TLCD3A: variants seen among roughly 807,000 people sequenced by gnomAD.
TLCD3A encodes TLC domain-containing protein 3A.
In TLCD3A, 17 loss-of-function variants were observed where a neutral mutation model predicts 29.9. The observed-to-expected ratio is 0.57, with a 90% confidence interval of 0.39 to 0.85. TLCD3A has a LOEUF of 0.85. Ranked by LOEUF, TLCD3A falls within the 40% of genes least tolerant of loss-of-function variation. The probability of loss-of-function intolerance (pLI) is 0.00; values close to 1 mark genes in which losing one functional copy is unlikely to be tolerated. For missense variants in TLCD3A, 332 were observed against 350.8 expected (o/e 0.95, Z 0.43); for synonymous variants, 143 against 147.7 (o/e 0.97, Z 0.23).
chr17:738,094 G>A (rs879108024), intron 3 of TLCD3A, 47 bp downstream of exon 3: 2 of 429,036 alleles, frequency 4.7e-6, no homozygotes, highest in Admixed American at 6.6e-5. Context: ...TGAGCTGGGT[G>A]TCTTTTTTTT....
At position 739,474 on chromosome 17, in the gene TLCD3A, C is replaced by T. The variant is rs574928221; in HGVS notation, c.409-1031C>T. Among the ~76,000 whole-genome samples, 10 of 152,340 alleles carry T rather than the reference C, an allele frequency of 6.6e-5. No homozygotes were observed. In the South Asian group the frequency reaches 1.7e-3, roughly 25 times the overall value. On this transcript the variant is annotated intron_variant, in intron 3 of 4. Coordinates refer to ENST00000308278, the MANE Select transcript of TLCD3A (RefSeq NM_024792.3). ...AAAGTGCTGGGATTACAGGCGTGAG[C>T]CACTGCTCTTGGCCGGCATGTAGTT...
intron 2 of TLCD3A, among the ~76,000 whole-genome samples, chr17:735,867 C>T (rs1974146216): frequency 6.6e-6 from 1 of 150,688 alleles, no homozygotes; most frequent in South Asian, 2.1e-4. Context: ...CCCAGCTACT[C>T]GGGAGGCTGC....
rs1974265947 is a variant in TLCD3A, at chr17:742,064, T to C, written c.*494T>C. 1.8e-5 allele frequency: 3 copies of C among 170,978 alleles called. No individual in the cohort carries two copies. Among genetic ancestry groups the C allele is most frequent in the South Asian group, 1.4e-4 (1 of 7,294 alleles). The allele number at this position is 170,978 out of a possible 1,614,324, so 10.6% of individuals were successfully genotyped here. On this transcript the variant is annotated 3_prime_UTR_variant, in exon 5 of 5. Coordinates refer to ENST00000308278, the MANE Select transcript of TLCD3A (RefSeq NM_024792.3). ...GACAATCATTGTGGGTAGGTAGTTA[T>C]TGATCGTTTACTAGATAACCCATTG...
At chr17:736,708 T>G (rs1007741088) in intron 2 of TLCD3A, among the ~76,000 whole-genome samples, 2 of 152,172 alleles carry the variant, frequency 1.3e-5, no homozygotes, top group African/African-American at 4.8e-5. Context: ...CAGGCTGGAG[T>G]GCAGTGGCGC....
intron 2 of TLCD3A, among the ~76,000 whole-genome samples, chr17:737,022 GT>G (rs1379065373): frequency 7.5e-5 from 11 of 147,102 alleles, no homozygotes; most frequent in Admixed American, 4.1e-4. Context: ...TTTTGTTTTT[GT>G]TTTTTTTAGA....
rs200758501 is a variant in TLCD3A, at chr17:738,094, G to GTTTTTTTTTT, written c.408+48_408+49insTTTTTTTTTT. Reference sequence around the variant, plus strand: ...GACCAGCAGCTGGGTTGAGCTGGGTGTCTTTTTTTTTTTTTTTTTCTGAGA... The same window carrying GTTTTTTTTTT: ...GACCAGCAGCTGGGTTGAGCTGGGTGTTTTTTTTTTTCTTTTTTTTTTTTTTTTTCTGAGA... On this transcript the variant is annotated intron_variant, in intron 3 of 4. Transcript: ENST00000308278. The GTTTTTTTTTT allele has an allele frequency of 1.6e-4, 68 of 428,560 alleles. 1 individual carries two copies. The highest frequency in any genetic ancestry group is 6.0e-4 in the Admixed American group (9 of 15,114). The allele number at this position is 428,560 out of a possible 1,614,324, so 26.5% of individuals were successfully genotyped here.
intron 1 of TLCD3A, 51 bp from the exon 2 acceptor site, chr17:733,047 C>G: frequency 1.3e-6 from 2 of 1,531,550 alleles, no homozygotes; most frequent in Non-Finnish European, 1.8e-6. Flanking sequence ...GGGCTCCCTG[C>G]GGTCCTCGGA....
At chr17:735,529 G>A (rs1473366464) in intron 2 of TLCD3A, among the ~76,000 whole-genome samples, 4 of 152,174 alleles carry the variant, frequency 2.6e-5, no homozygotes, top group Admixed American at 6.5e-5. Context: ...AAAACCCTAG[G>A]TTCCCTTCAA....
chr17:733,962 C>A (rs1228024064), intron 2 of TLCD3A, among the ~76,000 whole-genome samples: 1 of 152,218 alleles, frequency 6.6e-6, no homozygotes, highest in African/African-American at 2.4e-5. Context: ...CCTGCTGAGA[C>A]TGAACTGCGA....
chr17:737,226 G>T (rs1974170123), intron 2 of TLCD3A, among the ~76,000 whole-genome samples: 1 of 151,042 alleles, frequency 6.6e-6, no homozygotes, highest in Non-Finnish European at 1.5e-5. Flanking sequence ...TGGCCAGGCT[G>T]ATCTTGAACT....
chr17:733,329 G>T, intron 2 of TLCD3A, 148 bp downstream of exon 2: 1 of 723,212 alleles, frequency 1.4e-6, no homozygotes, highest in Non-Finnish European at 2.2e-6. Flanking sequence ...GAGTCTTCGG[G>T]CACCCCCAGC....
At chr17:738,465 C>T (rs1022944133) in intron 3 of TLCD3A, among the ~76,000 whole-genome samples, 1 of 152,040 alleles carries the variant, frequency 6.6e-6, no homozygotes, top group African/African-American at 2.4e-5. Context: ...TCATAGGCAC[C>T]CATTCTCCTT....
At chr17:737,302 G>A (rs976466743) in intron 2 of TLCD3A, among the ~76,000 whole-genome samples, 5 of 152,142 alleles carry the variant, frequency 3.3e-5, no homozygotes, top group African/African-American at 9.7e-5. Flanking sequence ...GTGAGCCACC[G>A]AACCCGGCCA....
intron 4 of TLCD3A, among the ~76,000 whole-genome samples, chr17:740,957 AAGTTTGAT>A (rs1974244259): frequency 6.6e-6 from 1 of 152,210 alleles, no homozygotes; most frequent in South Asian, 2.1e-4. Context: ...GGTTTGATCT[AAGTTTGAT>A]AGTTTGATAC....
At chr17:734,971 C>T (rs556482830) in intron 2 of TLCD3A, among the ~76,000 whole-genome samples, 2 of 152,224 alleles carry the variant, frequency 1.3e-5, no homozygotes, top group South Asian at 2.1e-4. Flanking sequence ...TGTGAGCCAC[C>T]GTGCCCAGCC....
At position 741,164 on chromosome 17, in the gene TLCD3A, G is replaced by A. The variant is rs145223189; in HGVS notation, c.505-137G>A. On this transcript the variant is annotated intron_variant, in intron 4 of 4. Transcript: ENST00000308278. ...TAGAAAACTAGACAAACGTCTGGGC[G>A]CCAGGGAATCTGACAGCCAAGGTCT... is the stretch of plus-strand genomic sequence containing the variant. 77 of 798,448 alleles carry A rather than the reference G, an allele frequency of 9.6e-5. No homozygotes were observed. The East Asian group carries it at 1.1e-3, about 11-fold the overall frequency. 49.5% of individuals were successfully genotyped at this position (798,448 alleles called of 1,614,324 possible). A position where few individuals can be genotyped will look rare whatever the true frequency, so the allele number is the denominator to read the frequency against.
chr17:737,762 C>A, intron 2 of TLCD3A, 84 bp from the exon 3 acceptor site: 1 of 1,214,736 alleles, frequency 8.2e-7, no homozygotes, highest in Non-Finnish European at 1.2e-6. Flanking sequence ...ATAATAATAG[C>A]TGATCAAGCA....
chr17:736,497 G>A (rs1974155448), intron 2 of TLCD3A, among the ~76,000 whole-genome samples: 1 of 152,146 alleles, frequency 6.6e-6, no homozygotes, highest in South Asian at 2.1e-4. Flanking sequence ...GCTCTAGGAC[G>A]GTGATCAACT....
rs995582123 is a variant in TLCD3A at position 741,944 on chromosome 17, C to T, written c.*374C>T. The T allele has an allele frequency of 9.2e-6, 3 of 325,680 alleles. No homozygotes were observed. The highest frequency in any genetic ancestry group is 4.3e-5 in the African/African-American group (2 of 46,724). 20.2% of individuals were successfully genotyped at this position (325,680 alleles called of 1,614,324 possible). A position where few individuals can be genotyped will look rare whatever the true frequency, so the allele number is the denominator to read the frequency against. Reference sequence around the variant, plus strand: ...CCTGTATCAGCGGCTACCCACCTTCCAAACCACTCAGGACAGTACCCGTGG... The same window carrying T: ...CCTGTATCAGCGGCTACCCACCTTCTAAACCACTCAGGACAGTACCCGTGG... On this transcript the variant is annotated 3_prime_UTR_variant, in exon 5 of 5. Transcript: ENST00000308278.
Sources: allele counts gnomAD v4.1 joint callset (sites outside exome capture counted in the v4.1 genomes callset), GRCh38; gene constraint gnomAD v4.1.1; transcripts MANE v1.5; gene names NCBI Gene and HGNC (gene_info 2026-07-23, HGNC 2026-07-21).